LAP3: variants seen among roughly 807,000 people sequenced by gnomAD.
The protein encoded by LAP3 is leucine aminopeptidase 3.
LAP3 carries 46 observed loss-of-function variants against 58.8 expected under a neutral mutation model. That is an observed-to-expected ratio of 0.78 (90% CI 0.62 to 1.00). The LOEUF (loss-of-function observed/expected upper bound fraction) is 1.00. Ranked by LOEUF, LAP3 falls within the 50% of genes least tolerant of loss-of-function variation. The pLI, the probability that LAP3 is intolerant of heterozygous loss-of-function variation, is 0.00. For synonymous variants in LAP3, 257 were observed against 237.7 expected (o/e 1.08, Z -0.75); for missense variants, 615 against 659.1 (o/e 0.93, Z 0.73).
At chr4:17,586,633 C>G (rs1577220429) in intron 6 of LAP3, among the ~76,000 whole-genome samples, 1 of 152,102 alleles carries the variant, frequency 6.6e-6, no homozygotes. Flanking sequence ...GCAGAGGGTA[C>G]TGCAGGATCA....
chr4:17,594,682 A>G (rs150529262), intron 7 of LAP3, among the ~76,000 whole-genome samples: 1,772 of 152,284 alleles, frequency 0.012, 38 homozygotes, highest in African/African-American at 0.04. Flanking sequence ...TCTCTCAGCC[A>G]TTGGGCCTGT....
In LAP3 at chr4:17,587,751, C is replaced by T. The variant is rs1221444173; in HGVS notation, c.705-1068C>T. 7 of 152,106 alleles carry T rather than the reference C, an allele frequency of 4.6e-5. No homozygotes were observed. In the South Asian group the frequency reaches 1.2e-3, roughly 27 times the overall value. The allele number at this position is 152,106 out of a possible 1,614,324, so 9.4% of individuals were successfully genotyped here. ...GACTGTTTCCATTCTGTTACCCCACCGATCCCATGTTTATTAAGTAAGAAC... is the reference window on the plus strand; with the variant it reads ...GACTGTTTCCATTCTGTTACCCCACTGATCCCATGTTTATTAAGTAAGAAC... On this transcript the variant is annotated intron_variant, in intron 6 of 12. Transcript: ENST00000226299.
intron 1 of LAP3, among the ~76,000 whole-genome samples, chr4:17,577,892 C>T (rs1713253125): frequency 6.6e-6 from 1 of 152,138 alleles, no homozygotes; most frequent in Non-Finnish European, 1.5e-5. Context: ...CGGTGGGGCT[C>T]CCATCCGAGC....
intron 7 of LAP3, among the ~76,000 whole-genome samples, chr4:17,589,597 C>T (rs549287515): frequency 1.3e-5 from 2 of 152,074 alleles, no homozygotes; most frequent in African/African-American, 2.4e-5. Flanking sequence ...AAGTGGAGTC[C>T]GAAGTCAAAC....
chr4:17,595,951 C>T (rs1713815882), intron 8 of LAP3, among the ~76,000 whole-genome samples: 1 of 152,056 alleles, frequency 6.6e-6, no homozygotes, highest in East Asian at 1.9e-4. Context: ...CATTATGTGG[C>T]AGTTCTTAGT....
chr4:17,599,828 C>T (rs1298680987), intron 10 of LAP3, among the ~76,000 whole-genome samples: 3 of 152,034 alleles, frequency 2.0e-5, no homozygotes, highest in Non-Finnish European at 1.5e-5. Flanking sequence ...CGCTTTAAGG[C>T]CAGGCTCAGG....
At chr4:17,584,915 A>C in intron 5 of LAP3, 57 bp from the exon 6 acceptor site, 1 of 1,542,032 alleles carries the variant, frequency 6.5e-7, no homozygotes, top group South Asian at 1.2e-5. Flanking sequence ...CTTAGTTGGC[A>C]GGCAGTCAGC....
chr4:17,588,131 G>A (rs931828401), intron 6 of LAP3, among the ~76,000 whole-genome samples: 14 of 151,856 alleles, frequency 9.2e-5, no homozygotes, highest in African/African-American at 2.7e-4. Flanking sequence ...GGGCTCAAGC[G>A]AGCCTCTTGT....
chr4:17,606,989 A>T, intron 12 of LAP3, 51 bp downstream of exon 12: 1 of 1,224,794 alleles, frequency 8.2e-7, no homozygotes, highest in Non-Finnish European at 1.2e-6. Context: ...TTGATTGCCA[A>T]AATAGCTATT....
intron 2 of LAP3, among the ~76,000 whole-genome samples, chr4:17,580,818 A>G (rs1560341040): frequency 6.6e-6 from 1 of 152,182 alleles, no homozygotes; most frequent in Non-Finnish European, 1.5e-5. Flanking sequence ...TTGTAACTGC[A>G]TGCTGTATTT....
rs1056329340 is a variant in LAP3, at chr4:17,577,293, G to C, written c.-173G>C. 2.9e-5 allele frequency: 4 copies of C among 137,954 alleles called. No homozygotes were observed. In the Admixed American group the frequency reaches 8.3e-4, roughly 29 times the overall value. The allele number at this position is 137,954 out of a possible 1,614,324, so 8.5% of individuals were successfully genotyped here. A position where few individuals can be genotyped will look rare whatever the true frequency, so the allele number is the denominator to read the frequency against. On this transcript the variant is annotated 5_prime_UTR_variant, in exon 1 of 13. Coordinates refer to ENST00000226299, the MANE Select transcript of LAP3 (RefSeq NM_015907.3). ...ACCGCGGTTTGATCCCAGCGGTCCA[G>C]TCGGCCGGTGCTGCCCATCCGTCCC...
intron 6 of LAP3, among the ~76,000 whole-genome samples, chr4:17,586,492 G>A (rs1713518379): frequency 6.6e-6 from 1 of 152,120 alleles, no homozygotes; most frequent in African/African-American, 2.4e-5. Context: ...TATCTTTTTG[G>A]TCACCAAATA....
At chr4:17,593,609 G>GTTTTTAT (rs1350183531) in intron 7 of LAP3, among the ~76,000 whole-genome samples, 2 of 87,598 alleles carry the variant, frequency 2.3e-5, no homozygotes, top group African/African-American at 9.3e-5. Context: ...ATCTGCTTGG[G>GTTTTTAT]TTTTTTTTTT....
Position 17,607,658 on chromosome 4 carries a change from A to T in LAP3, c.*69A>T. 3.4e-6 allele frequency: 4 copies of T among 1,172,956 alleles called. No individual in the cohort carries two copies. The highest frequency in any genetic ancestry group is 4.7e-6 in the Non-Finnish European group (4 of 850,672). 72.7% of individuals were successfully genotyped at this position (1,172,956 alleles called of 1,614,324 possible). A position where few individuals can be genotyped will look rare whatever the true frequency, so the allele number is the denominator to read the frequency against. The stretch of plus-strand genomic sequence containing the variant: ...GTTGAACTTAAAAGGTTTTTGAATA[A>T]ATGGATGAAAATCTTTTAACGGAGA... On this transcript the variant is annotated 3_prime_UTR_variant, in exon 13 of 13. Coordinates refer to ENST00000226299, the MANE Select transcript of LAP3 (RefSeq NM_015907.3).
intron 7 of LAP3, 80 bp downstream of exon 7, chr4:17,589,057 G>A: frequency 7.1e-7 from 1 of 1,412,162 alleles, no homozygotes; most frequent in Non-Finnish European, 9.4e-7. Context: ...AGGGTTTTTT[G>A]GTTTGATTTT....
chr4:17,595,526 A>G lies in LAP3; in HGVS notation c.980A>G (p.Asn327Ser). 6.2e-7 allele frequency: 1 copy of G among 1,613,858 alleles called. No homozygotes were observed. The highest frequency in any genetic ancestry group is 2.2e-5 in the East Asian group (1 of 44,840). Residue 327 changes from asparagine (N) to serine (S), a missense_variant, in exon 8 of 13, where the codon AAT becomes AGT. Physicochemically the swap from Asn to Ser is conservative, Grantham distance 46. Transcript: ENST00000226299. ...GCTGCAAAGCTTAATTTGCCCATTA[A>G]TATTATAGGTAAGTGGGGTAACGGA... ...VSAAKLNLPINIIGLAPLCEN... is the reference protein window; with the variant it reads ...VSAAKLNLPISIIGLAPLCEN...
intron 11 of LAP3, 150 bp from the exon 12 acceptor site, chr4:17,606,679 G>A (rs1440152531): frequency 7.5e-6 from 4 of 535,278 alleles, no homozygotes; most frequent in South Asian, 5.5e-5. Context: ...CTTTTAATGA[G>A]TGGACACAAT....
At chr4:17,601,028 G>A (rs1713971134) in intron 10 of LAP3, among the ~76,000 whole-genome samples, 1 of 152,190 alleles carries the variant, frequency 6.6e-6, no homozygotes, top group Admixed American at 6.5e-5. Flanking sequence ...ACCCCAGATT[G>A]TAGGAACAGT....
intron 7 of LAP3, among the ~76,000 whole-genome samples, chr4:17,590,135 A>C (rs528582290): frequency 6.6e-6 from 1 of 152,274 alleles, no homozygotes; most frequent in Admixed American, 6.5e-5. Flanking sequence ...GAGGGGTTTC[A>C]TTTTTGTTTT....
Sources: allele counts gnomAD v4.1 joint callset (sites outside exome capture counted in the v4.1 genomes callset), GRCh38; gene constraint gnomAD v4.1.1; transcripts MANE v1.5; gene names NCBI Gene and HGNC (gene_info 2026-07-23, HGNC 2026-07-21).